PLXDC2: variants seen among roughly 807,000 people sequenced by gnomAD.
The protein encoded by PLXDC2 is plexin domain containing 2, also known as plexin domain-containing protein 2.
A neutral mutation model predicts 68.9 loss-of-function variants in PLXDC2; 40 were observed. That is an observed-to-expected ratio of 0.58 (90% CI 0.45 to 0.76). The LOEUF (loss-of-function observed/expected upper bound fraction) is 0.76, where lower values mean the gene tolerates loss of function less well. PLXDC2 is among the 30% of genes least tolerant of loss of function. The pLI is 0.00. For synonymous variants in PLXDC2, 243 were observed against 234.2 expected, an observed-to-expected ratio of 1.04 and a Z score of -0.34; for missense variants, 644 against 661.9, an observed-to-expected ratio of 0.97 and a Z score of 0.30.
intron 1 of PLXDC2, among the ~76,000 whole-genome samples, chr10:19,830,994 CT>C (rs35506755): frequency 0.51 from 75,226 of 148,160 alleles, 18,862 homozygotes; most frequent in East Asian, 0.58. Context: ...GGTTTGTTTC[CT>C]TTTTTTTTTT....
chr10:19,850,297 TACAC>T (rs1262198084), intron 1 of PLXDC2, among the ~76,000 whole-genome samples: 2 of 151,036 alleles, frequency 1.3e-5, no homozygotes, highest in Admixed American at 1.3e-4. Context: ...TTTTTTTAGA[TACAC>T]ACACATTTTG....
chr10:19,921,581 A>G (rs958474611), intron 1 of PLXDC2, among the ~76,000 whole-genome samples: 1 of 152,210 alleles, frequency 6.6e-6, no homozygotes, highest in Admixed American at 6.5e-5. Flanking sequence ...AAAGCATGCT[A>G]AGTTAATTTT....
intron 1 of PLXDC2, among the ~76,000 whole-genome samples, chr10:19,951,996 G>A (rs1404458314): frequency 1.3e-5 from 2 of 152,034 alleles, no homozygotes; most frequent in Non-Finnish European, 2.9e-5. Context: ...AGACTACACG[G>A]TGAGGGGGGA....
chr10:20,117,394 C>T (rs1188837392), intron 4 of PLXDC2, among the ~76,000 whole-genome samples: 1 of 152,094 alleles, frequency 6.6e-6, no homozygotes, highest in African/African-American at 2.4e-5. Context: ...ATATGATTAT[C>T]TTATGTGTTT....
At chr10:20,050,618 G>T (rs1280918576) in intron 3 of PLXDC2, among the ~76,000 whole-genome samples, 1 of 151,864 alleles carries the variant, frequency 6.6e-6, no homozygotes, top group Non-Finnish European at 1.5e-5. Flanking sequence ...CAATATCACT[G>T]ATGGTTACAG....
chr10:20,189,008 G>GTT (rs11349156), intron 9 of PLXDC2, among the ~76,000 whole-genome samples: 1 of 118,104 alleles, frequency 8.5e-6, no homozygotes, highest in Admixed American at 8.7e-5. Flanking sequence ...TTTATAATCA[G>GTT]TTTTTTTTTT....
chr10:19,842,045 G>A (rs60626968), intron 1 of PLXDC2, among the ~76,000 whole-genome samples: 2,098 of 152,142 alleles, frequency 0.014, 46 homozygotes, highest in African/African-American at 0.047. Flanking sequence ...GGAGGCCAAG[G>A]TGGGAGGATC....
intron 1 of PLXDC2, among the ~76,000 whole-genome samples, chr10:19,885,486 G>A (rs1164130036): frequency 6.6e-6 from 1 of 152,138 alleles, no homozygotes; most frequent in Non-Finnish European, 1.5e-5. Context: ...TATGGTTTTA[G>A]GTCTAACGTT....
At chr10:20,125,772 A>C (rs1173456912) in intron 4 of PLXDC2, among the ~76,000 whole-genome samples, 1 of 152,034 alleles carries the variant, frequency 6.6e-6, no homozygotes, top group Non-Finnish European at 1.5e-5. Flanking sequence ...TGTACACAGC[A>C]GTGTTATTTA....
At chr10:20,187,500 CTGCTCTTCTAT>C (rs1044182527) in intron 9 of PLXDC2, among the ~76,000 whole-genome samples, 1 of 151,692 alleles carries the variant, frequency 6.6e-6, no homozygotes, top group Non-Finnish European at 1.5e-5. Flanking sequence ...CGTTTAAAAT[CTGCTCTTCTAT>C]TGTATATTTG....
intron 1 of PLXDC2, among the ~76,000 whole-genome samples, chr10:19,939,955 G>A (rs1371214753): frequency 6.6e-6 from 1 of 151,836 alleles, no homozygotes; most frequent in African/African-American, 2.4e-5. Flanking sequence ...TGTCAAAGAA[G>A]GGAACGAATT....
In PLXDC2 at chr10:20,197,093, A is replaced by G. The variant is rs183762412; in HGVS notation, c.1062-14576A>G. Among the ~76,000 whole-genome samples the G allele has an allele frequency of 3.3e-5, 5 of 152,266 alleles. No homozygotes were observed. The East Asian group carries it at 7.7e-4, about 24-fold the overall frequency. On this transcript the variant is annotated intron_variant, in intron 9 of 13. Transcript: ENST00000377252. ...GAAGTTGTACTTTTAGTTAACTGGA[A>G]ATATAGCAGTGTTGTTTAATGGAAT...
chr10:20,051,537 A>G (rs182611489), intron 3 of PLXDC2, among the ~76,000 whole-genome samples: 2 of 150,564 alleles, frequency 1.3e-5, no homozygotes, highest in East Asian at 3.9e-4. Flanking sequence ...CCTATTTTTA[A>G]TACTCTTTCT....
At chr10:19,917,534 G>A (rs555044001) in intron 1 of PLXDC2, among the ~76,000 whole-genome samples, 1 of 152,210 alleles carries the variant, frequency 6.6e-6, no homozygotes, top group East Asian at 1.9e-4. Flanking sequence ...ATCTGATTCA[G>A]TTCAGCCTCA....
At chr10:20,047,253 A>G (rs1050505315) in intron 3 of PLXDC2, among the ~76,000 whole-genome samples, 3 of 152,118 alleles carry the variant, frequency 2.0e-5, no homozygotes, top group African/African-American at 7.2e-5. Context: ...AATTGAACCA[A>G]TTTTCTCAGT....
chr10:19,817,280 A>C, intron 1 of PLXDC2, 89 bp downstream of exon 1: 11 of 1,036,654 alleles, frequency 1.1e-5, no homozygotes, highest in African/African-American at 1.6e-5. Context: ...TCCCCCCAAC[A>C]TCACCTATCT....
intron 1 of PLXDC2, among the ~76,000 whole-genome samples, chr10:19,904,002 T>G (rs1218872646): frequency 6.6e-6 from 1 of 152,188 alleles, no homozygotes; most frequent in East Asian, 1.9e-4. Context: ...TGAGGGTTCC[T>G]TTTGGAGATG....
intron 4 of PLXDC2, among the ~76,000 whole-genome samples, chr10:20,097,493 C>A (rs1833366363): frequency 6.6e-6 from 1 of 152,124 alleles, no homozygotes; most frequent in African/African-American, 2.4e-5. Context: ...TTTCCCATTT[C>A]CTGAATGTAA....
At chr10:20,042,097 G>A (rs1221938799) in intron 2 of PLXDC2, among the ~76,000 whole-genome samples, 2 of 152,070 alleles carry the variant, frequency 1.3e-5, no homozygotes, top group African/African-American at 4.8e-5. Context: ...TTCATGTTGT[G>A]TGTACCTCGG....
Sources: gnomAD v4.1 joint callset for allele counts (sites outside exome capture counted in the v4.1 genomes callset) on GRCh38, gnomAD v4.1.1 for gene constraint, MANE v1.5 for transcripts, NCBI Gene and HGNC (gene_info 2026-07-23, HGNC 2026-07-21) for gene names.